CAMTA1: variants seen among roughly 807,000 people sequenced by gnomAD.
The protein encoded by CAMTA1 is calmodulin-binding transcription activator 1.
In CAMTA1, 27 loss-of-function variants were observed where a neutral mutation model predicts 170.9. The observed-to-expected ratio is 0.16, with a 90% CI of 0.12 to 0.22. The LOEUF (loss-of-function observed/expected upper bound fraction) is 0.22, where lower values mean the gene tolerates loss of function less well. Ranked by LOEUF, CAMTA1 falls within the 10% of genes least tolerant of loss-of-function variation. CAMTA1 has a pLI of 1.00. For missense variants in CAMTA1, 1,619 were observed against 2,217.2 expected (o/e 0.73, Z 5.42); for synonymous variants, 833 against 891.5 (o/e 0.93, Z 1.17).
chr1:6,894,955 G>T (rs910269260), intron 3 of CAMTA1, among the ~76,000 whole-genome samples: 2 of 152,194 alleles, frequency 1.3e-5, no homozygotes, highest in Non-Finnish European at 2.9e-5. Context: ...TCTTTGCAAA[G>T]CCGGGAGACC....
rs1462014565 is a variant in CAMTA1 at position 6,965,322 on chromosome 1, GGT to G, written c.235-125973_235-125972del. Among the ~76,000 whole-genome samples, 1 of 151,994 alleles carries G rather than the reference GGT, an allele frequency of 6.6e-6. No individual in the cohort carries two copies. The highest frequency in any genetic ancestry group is 6.6e-5 in the Admixed American group (1 of 15,258). ...GTCTGTGCATGTGTGTATGTGTGTG[GGT>G]GTGTGTGTAGGGGGCACGCAGCCAG... is the stretch of plus-strand genomic sequence containing the variant. On this transcript the variant is annotated intron_variant, in intron 3 of 22. Transcript: ENST00000303635. This position sits in a 1 kb window ranked among gnomAD's most constrained non-coding sequence, Gnocchi z 4.1.
intron 4 of CAMTA1, among the ~76,000 whole-genome samples, chr1:7,228,105 C>G (rs11578956): frequency 6.6e-6 from 1 of 152,224 alleles, no homozygotes; most frequent in Non-Finnish European, 1.5e-5. Context: ...CATTAAACAG[C>G]CTTATTAATA....
At chr1:7,163,000 G>A (rs901951606) in intron 4 of CAMTA1, among the ~76,000 whole-genome samples, 1 of 151,796 alleles carries the variant, frequency 6.6e-6, no homozygotes, top group East Asian at 1.9e-4. Flanking sequence ...CAGCAAGCGG[G>A]GAGGCAGGAG....
chr1:7,131,173 C>T (rs1259759143), intron 4 of CAMTA1, among the ~76,000 whole-genome samples: 9 of 152,048 alleles, frequency 5.9e-5, no homozygotes, highest in Non-Finnish European at 1.0e-4. Flanking sequence ...AGGATGGTCT[C>T]GATCTCTTGA....
At chr1:7,262,749 G>T (rs963573048) in intron 5 of CAMTA1, among the ~76,000 whole-genome samples, 1 of 152,156 alleles carries the variant, frequency 6.6e-6, no homozygotes, top group African/African-American at 2.4e-5. Context: ...TGTTGCCCAG[G>T]TTGCTTCTGT....
chr1:7,334,959 C>T (rs2083259435), intron 5 of CAMTA1, among the ~76,000 whole-genome samples: 1 of 152,164 alleles, frequency 6.6e-6, no homozygotes, highest in Admixed American at 6.5e-5. Flanking sequence ...TCTCATTTTG[C>T]ACTCCGCGGA....
At chr1:7,448,333 G>A (rs146816429) in intron 5 of CAMTA1, among the ~76,000 whole-genome samples, 2 of 152,174 alleles carry the variant, frequency 1.3e-5, no homozygotes, top group Non-Finnish European at 2.9e-5. Flanking sequence ...GAAACCTGAC[G>A]TTTCCTTGGG....
At chr1:7,763,714 C>T (rs559219870) in intron 22 of CAMTA1, among the ~76,000 whole-genome samples, 9 of 152,326 alleles carry the variant, frequency 5.9e-5, no homozygotes, top group African/African-American at 2.2e-4. Context: ...GCTTATAATT[C>T]ACTCTCCTTT....
chr1:7,190,101 G>A (rs1032720160), intron 4 of CAMTA1, among the ~76,000 whole-genome samples: 1 of 152,196 alleles, frequency 6.6e-6, no homozygotes, highest in African/African-American at 2.4e-5. Context: ...AAAGGCATAA[G>A]GATGACACAG....
chr1:7,453,849 T>C (rs906100625), intron 5 of CAMTA1, among the ~76,000 whole-genome samples: 3 of 151,936 alleles, frequency 2.0e-5, no homozygotes, highest in East Asian at 3.9e-4. Context: ...TGCTGTGGAG[T>C]CTTTGCTCAC....
intron 4 of CAMTA1, among the ~76,000 whole-genome samples, chr1:7,209,496 T>G (rs1658372443): frequency 6.6e-6 from 1 of 152,144 alleles, no homozygotes; most frequent in Admixed American, 6.5e-5. Flanking sequence ...GTTCCAGAAC[T>G]GGGAGGGGGA....
At chr1:7,315,965 AG>A (rs1188258236) in intron 5 of CAMTA1, among the ~76,000 whole-genome samples, 1 of 152,158 alleles carries the variant, frequency 6.6e-6, no homozygotes, top group Non-Finnish European at 1.5e-5. Flanking sequence ...ATGGCTGGGG[AG>A]GCCTCAGGAA....
Position 7,123,688 on chromosome 1 carries a change from G to A in CAMTA1, c.302+32317G>A, listed in dbSNP as rs138130299. On this transcript the variant is annotated intron_variant, in intron 4 of 22. Transcript: ENST00000303635. ...AGCCCTGGTCACTGCCCTCACTCCCGATTCCTTCATTGGGGATGCCTGTTC... is the reference window on the plus strand; with the variant it reads ...AGCCCTGGTCACTGCCCTCACTCCCAATTCCTTCATTGGGGATGCCTGTTC... 6.1e-3 allele frequency among the ~76,000 whole-genome samples: 928 copies of A among 152,244 alleles called. 6 individuals carry two copies. Among genetic ancestry groups the A allele is most frequent in the Middle Eastern group, 0.024 (7 of 294 alleles).
At chr1:7,692,543 A>G (rs2096328822) in intron 11 of CAMTA1, among the ~76,000 whole-genome samples, 1 of 152,126 alleles carries the variant, frequency 6.6e-6, no homozygotes, top group African/African-American at 2.4e-5. Flanking sequence ...GAATGAATGA[A>G]TGAGTGAGTA....
chr1:7,600,005 C>A (rs1278262527), intron 6 of CAMTA1, among the ~76,000 whole-genome samples: 1 of 152,208 alleles, frequency 6.6e-6, no homozygotes, highest in Non-Finnish European at 1.5e-5. Context: ...GAGAGTGCAT[C>A]CCTGTCTTGT....
At chr1:6,872,361 T>C (rs1362126910) in intron 3 of CAMTA1, among the ~76,000 whole-genome samples, 1 of 152,224 alleles carries the variant, frequency 6.6e-6, no homozygotes, top group Non-Finnish European at 1.5e-5. Flanking sequence ...CTTCAGATTA[T>C]ATTTTGTATT....
chr1:6,914,395 C>G (rs1680354430), intron 3 of CAMTA1, among the ~76,000 whole-genome samples: 1 of 152,236 alleles, frequency 6.6e-6, no homozygotes, highest in Middle Eastern at 3.2e-3. Context: ...AACCACCACA[C>G]CTGGCCATCT....
At chr1:7,488,265 G>A (rs2093644453) in intron 6 of CAMTA1, among the ~76,000 whole-genome samples, 1 of 152,194 alleles carries the variant, frequency 6.6e-6, no homozygotes. Context: ...TGGAGCAGCT[G>A]TGAGGCTGGG....
intron 4 of CAMTA1, among the ~76,000 whole-genome samples, chr1:7,099,889 C>G (rs1209019204): frequency 1.3e-5 from 2 of 152,238 alleles, no homozygotes; most frequent in East Asian, 1.9e-4. Context: ...TTTCTTGCCT[C>G]TCTTCTGCTG....
Sources: allele counts gnomAD v4.1 joint callset (sites outside exome capture counted in the v4.1 genomes callset), GRCh38; gene constraint gnomAD v4.1.1; non-coding constraint Gnocchi (gnomAD v3.1); transcripts MANE v1.5; gene names NCBI Gene and HGNC (gene_info 2026-07-23, HGNC 2026-07-21).